L3MBTL2: variants seen among roughly 807,000 people sequenced by gnomAD.
The protein encoded by L3MBTL2 is lethal(3)malignant brain tumor-like protein 2.
A neutral mutation model predicts 86.4 loss-of-function variants in L3MBTL2; 49 were observed. That is an observed-to-expected ratio of 0.57 (90% confidence interval 0.45 to 0.72). L3MBTL2 has a LOEUF of 0.72. L3MBTL2 is among the 30% of genes least tolerant of loss of function. The pLI is 0.00. For synonymous variants in L3MBTL2, 336 were observed against 350.6 expected (o/e 0.96, Z 0.47); for missense variants, 755 against 923.7 (o/e 0.82, Z 2.37).
Position 41,227,706 on chromosome 22 carries a change from C to T in L3MBTL2, c.1823-98C>T, listed in dbSNP as rs1169983590. On this transcript the variant is annotated intron_variant, in intron 14 of 16. Transcript: ENST00000216237. The surrounding 1 kb of genome is among the most constrained non-coding windows in gnomAD (Gnocchi z 6.0). The stretch of plus-strand genomic sequence containing the variant: ...TTTGGCTTCCTGTCTTGGGGTGTCT[C>T]GTGTGGGAGGGTGGATGGGGTCTCG... 1.2e-5 allele frequency: 19 copies of T among 1,599,834 alleles called. No individual in the cohort carries two copies. Among genetic ancestry groups the T allele is most frequent in the Middle Eastern group, 1.7e-4 (1 of 6,054 alleles).
At chr22:41,209,616 T>TA in intron 1 of L3MBTL2, 80 bp from the exon 2 acceptor site, 1 of 1,239,226 alleles carries the variant, frequency 8.1e-7, no homozygotes, top group South Asian at 1.3e-5. Context: ...AGGGGGCTGA[T>TA]AGCAGATCTG....
Position 41,230,266 on chromosome 22 carries a change from A to T in L3MBTL2, c.*15A>T. ...CAGACGACTGAGCCTTCCTGCCTCC[A>T]GCCTGGCTTCTAGCTGGAAGCCAGC... On this transcript the variant is annotated 3_prime_UTR_variant, in exon 17 of 17. Transcript: ENST00000216237. 6.2e-7 allele frequency: 1 copy of T among 1,601,626 alleles called. No homozygotes were observed. Among genetic ancestry groups the T allele is most frequent in the Non-Finnish European group, 8.6e-7 (1 of 1,169,182 alleles).
In L3MBTL2 at chr22:41,224,823, C is replaced by A; in HGVS notation, c.1251+22C>A. ...GAAGGTGAGGTTCAGCTCTTGGGCG[C>A]TTTTCCCCTCAGCCATGGGTCCATT... On this transcript the variant is annotated intron_variant, in intron 10 of 16. Transcript: ENST00000216237. The surrounding 1 kb of genome is among the most constrained non-coding windows in gnomAD (Gnocchi z 4.9). 6.2e-7 allele frequency: 1 copy of A among 1,604,346 alleles called. No homozygotes were observed. Among genetic ancestry groups the A allele is most frequent in the Non-Finnish European group, 8.5e-7 (1 of 1,171,198 alleles).
Position 41,227,544 on chromosome 22 carries a change from C to G in L3MBTL2, c.1822+221C>G. 1 of 1,512,398 alleles carries G rather than the reference C, an allele frequency of 6.6e-7. No homozygotes were observed. Among genetic ancestry groups the G allele is most frequent in the Non-Finnish European group, 9.0e-7 (1 of 1,113,004 alleles). 93.7% of individuals were successfully genotyped at this position (1,512,398 alleles called of 1,614,324 possible). A position where few individuals can be genotyped will look rare whatever the true frequency, so the allele number is the denominator to read the frequency against. On this transcript the variant is annotated intron_variant, in intron 14 of 16. Transcript: ENST00000216237. The surrounding 1 kb of genome is among the most constrained non-coding windows in gnomAD (Gnocchi z 6.0). The stretch of plus-strand genomic sequence containing the variant: ...AGCTCCTTCCTTCATCTTGCCCACT[C>G]TGTCATATGTTCGTGCCCTTGTGCA...
chr22:41,226,325 G>C lies in L3MBTL2; in HGVS notation c.1505-337G>C, dbSNP rs926892621. On this transcript the variant is annotated intron_variant, in intron 12 of 16. Coordinates refer to ENST00000216237, the MANE Select transcript of L3MBTL2 (RefSeq NM_031488.5). ...GTGTGGCCACAAGCCCAGATTCCTG[G>C]TCAAGTCAGGCCCCAGAAGTGTAGC... 3.3e-5 allele frequency among the ~76,000 whole-genome samples: 5 copies of C among 152,286 alleles called. 1 individual carries two copies. The South Asian group carries it at 6.2e-4, about 19-fold the overall frequency.
rs753884271 is a variant in L3MBTL2 at position 41,219,374 on chromosome 22, A to G, written c.601-45A>G. ...CGTGAGGCAGTCTGTCTCCCCTGCT[A>G]GCACAGTTAGCTCACTCTCTCGGTA... On this transcript the variant is annotated intron_variant, in intron 5 of 16. Transcript: ENST00000216237. 2.1e-6 allele frequency: 3 copies of G among 1,444,264 alleles called. 1 individual carries two copies. Among genetic ancestry groups the G allele is most frequent in the South Asian group, 2.3e-5 (2 of 87,572 alleles). 89.5% of individuals were successfully genotyped at this position (1,444,264 alleles called of 1,614,324 possible).
intron 12 of L3MBTL2, among the ~76,000 whole-genome samples, chr22:41,226,415 A>T (rs5758268): frequency 0.3 from 46,142 of 152,096 alleles, 7,266 homozygotes; most frequent in Admixed American, 0.42. Flanking sequence ...GGCTGACCCT[A>T]CCCCATGGCC....
At chr22:41,211,805 C>T (rs868087396) in intron 2 of L3MBTL2, among the ~76,000 whole-genome samples, 2 of 149,270 alleles carry the variant, frequency 1.3e-5, no homozygotes, top group Admixed American at 1.3e-4. Flanking sequence ...GATCTGCCCT[C>T]CTCGGCCTCC....
Position 41,230,165 on chromosome 22 carries a change from C to CATCT in L3MBTL2, c.2034_2037dup (p.Asp680SerfsTer99). 6.3e-7 allele frequency: 1 copy of CATCT among 1,584,104 alleles called. No homozygotes were observed. Among genetic ancestry groups the CATCT allele is most frequent in the South Asian group, 1.1e-5 (1 of 90,628 alleles). ...CATTGCTGTGCGTGTGAAGGAAGAG[C>CATCT]ATCTAGACGTGGCCTCGCCCGACAA... is the stretch of plus-strand genomic sequence containing the variant. On this transcript the variant is annotated frameshift_variant, in exon 17 of 17. Transcript: ENST00000216237. LOFTEE classifies it low-confidence loss of function (END_TRUNC).
intron 3 of L3MBTL2, among the ~76,000 whole-genome samples, chr22:41,215,807 C>A (rs1179899740): frequency 6.6e-6 from 1 of 152,172 alleles, no homozygotes; most frequent in African/African-American, 2.4e-5. Flanking sequence ...CCTGTGAGGC[C>A]CATTCTTTGC....
chr22:41,216,799 A>C (rs534963711), intron 4 of L3MBTL2, among the ~76,000 whole-genome samples: 3 of 152,226 alleles, frequency 2.0e-5, no homozygotes, highest in Non-Finnish European at 4.4e-5. Flanking sequence ...GTGGCCAATC[A>C]GGTTCAGGGC....
chr22:41,229,443 C>G, intron 15 of L3MBTL2, 97 bp from the exon 16 acceptor site: 1 of 1,407,816 alleles, frequency 7.1e-7, no homozygotes, highest in South Asian at 1.4e-5. Flanking sequence ...GCACTTTTCC[C>G]TCTGCCACGC....
intron 3 of L3MBTL2, among the ~76,000 whole-genome samples, chr22:41,215,581 A>T (rs1255200229): frequency 6.6e-6 from 1 of 152,184 alleles, no homozygotes; most frequent in African/African-American, 2.4e-5. Context: ...TCCCTTTGGA[A>T]AGGGAGGACC....
intron 3 of L3MBTL2, chr22:41,214,356 G>C (rs1470115932): frequency 5.8e-6 from 1 of 173,522 alleles, no homozygotes; most frequent in East Asian, 1.5e-4. Flanking sequence ...TTGGGAAACA[G>C]GCCCAAGGTT....
chr22:41,209,517 T>C (rs1471888767), intron 1 of L3MBTL2, 179 bp from the exon 2 acceptor site: 1 of 614,620 alleles, frequency 1.6e-6, no homozygotes, highest in Non-Finnish European at 2.9e-6. Flanking sequence ...GTTAAGCTGT[T>C]GAATTGCATC....
intron 2 of L3MBTL2, 167 bp downstream of exon 2, chr22:41,210,100 C>A (rs1202620441): frequency 2.6e-6 from 2 of 755,810 alleles, no homozygotes; most frequent in Non-Finnish European, 2.0e-6. Context: ...CAGAAGCACC[C>A]CAAGTAGCCA....
chr22:41,218,018 A>G (rs1372038081), intron 5 of L3MBTL2: 1 of 152,168 alleles, frequency 6.6e-6, no homozygotes, highest in East Asian at 1.9e-4. Flanking sequence ...TGAATTCTCT[A>G]ATAGTTTCAG....
chr22:41,225,892 C>T lies in L3MBTL2; in HGVS notation c.1455C>T (p.Phe485=). The part of the protein sequence containing the change: ...FCYHASSHAI[F]PATFCQKNDI... ...ACCATGCCTCTTCCCACGCCATCTT[C>T]CCGGCCACCTTCTGTCAGAAGAATG... The change falls in exon 12 of 17, where the codon TTC becomes TTT. Residue 485 remains phenylalanine (F), a synonymous_variant. Transcript: ENST00000216237. The surrounding 1 kb of genome is among the most constrained non-coding windows in gnomAD (Gnocchi z 4.1). 6.2e-6 allele frequency: 10 copies of T among 1,614,160 alleles called. No individual in the cohort carries two copies. The highest frequency in any genetic ancestry group is 7.6e-6 in the Non-Finnish European group (9 of 1,180,038).
intron 1 of L3MBTL2, 56 bp downstream of exon 1, chr22:41,205,442 C>T (rs1241390559): frequency 5.0e-6 from 8 of 1,601,806 alleles, no homozygotes; most frequent in Admixed American, 1.7e-5. Flanking sequence ...AGCCTCGCTC[C>T]GTGGGCCCTT....
Sources: allele counts gnomAD v4.1 joint callset (sites outside exome capture counted in the v4.1 genomes callset), GRCh38; gene constraint gnomAD v4.1.1; non-coding constraint Gnocchi (gnomAD v3.1); transcripts MANE v1.5; gene names NCBI Gene and HGNC (gene_info 2026-07-23, HGNC 2026-07-21).